Variants in MSR1 observed in about 807,000 individuals in gnomAD.
The protein encoded by MSR1 is macrophage scavenger receptor types I and II.
In MSR1, 53 loss-of-function variants were observed where a neutral mutation model predicts 47.2. That is an observed-to-expected ratio of 1.12 (90% confidence interval 0.90 to 1.41). The LOEUF (loss-of-function observed/expected upper bound fraction) is 1.41. Among genes scored for constraint, MSR1 ranks in the 40% most tolerant of loss-of-function variants. The pLI is 0.00. For synonymous variants in MSR1, 239 were observed against 185.6 expected (o/e 1.29, Z -2.34); for missense variants, 786 against 546.9 (o/e 1.44, Z -4.36).
intron 8 of MSR1, among the ~76,000 whole-genome samples, chr8:16,142,255 C>T (rs1393099388): frequency 1.3e-5 from 2 of 152,032 alleles, no homozygotes; most frequent in African/African-American, 4.8e-5. Flanking sequence ...CATTTCAACC[C>T]GGGAGGTGGA....
intron 8 of MSR1, among the ~76,000 whole-genome samples, chr8:16,134,868 T>G (rs962626758): frequency 6.6e-5 from 10 of 152,306 alleles, no homozygotes; most frequent in African/African-American, 2.4e-4. Context: ...GGCCTTCATA[T>G]ATGATCAAAA....
chr8:16,167,546 A>AAAACAAACAAAC (rs35532101), intron 4 of MSR1, among the ~76,000 whole-genome samples: 3 of 152,022 alleles, frequency 2.0e-5, no homozygotes, highest in African/African-American at 7.2e-5. Context: ...CTCCATCTCA[A>AAAACAAACAAAC]AAACAAACAA....
At chr8:16,121,785 G>A (rs1351923208) in intron 8 of MSR1, among the ~76,000 whole-genome samples, 2 of 151,746 alleles carry the variant, frequency 1.3e-5, no homozygotes, top group African/African-American at 4.8e-5. Context: ...TCTCTAATGT[G>A]AAAATGGAGT....
intron 9 of MSR1, among the ~76,000 whole-genome samples, chr8:16,112,217 GAAAAT>G (rs1799772656): frequency 6.6e-6 from 1 of 152,154 alleles, no homozygotes; most frequent in Non-Finnish European, 1.5e-5. Context: ...CAGACACAGT[GAAAAT>G]TTTTTAAGTG....
At chr8:16,126,912 A>G (rs1800142180) in intron 8 of MSR1, among the ~76,000 whole-genome samples, 1 of 152,136 alleles carries the variant, frequency 6.6e-6, no homozygotes, top group South Asian at 2.1e-4. Context: ...TGGGGAGAAC[A>G]CCAGAGTGAT....
intron 5 of MSR1, among the ~76,000 whole-genome samples, chr8:16,157,436 G>A (rs1194391669): frequency 6.6e-6 from 1 of 151,692 alleles, no homozygotes; most frequent in African/African-American, 2.4e-5. Context: ...CCTGGTATTC[G>A]AATCCTACAA....
chr8:16,166,431 G>T (rs182187098), intron 4 of MSR1, among the ~76,000 whole-genome samples: 1 of 152,026 alleles, frequency 6.6e-6, no homozygotes, highest in Non-Finnish European at 1.5e-5. Context: ...AAAGTGCTGG[G>T]ATTACAGGTG....
intron 7 of MSR1, among the ~76,000 whole-genome samples, chr8:16,144,039 C>G (rs1456820566): frequency 6.6e-6 from 1 of 152,030 alleles, no homozygotes; most frequent in African/African-American, 2.4e-5. Context: ...TCCCCAAAAA[C>G]TGGGCTGCCA....
In MSR1 at chr8:16,155,112, G is replaced by A. The variant is rs762856785; in HGVS notation, c.850C>T (p.Arg284Ter). 40 of 1,612,064 alleles carry A rather than the reference G, an allele frequency of 2.5e-5. 1 individual carries two copies. Among genetic ancestry groups the A allele is most frequent in the Admixed American group, 1.3e-4 (8 of 59,792 alleles). Reference protein sequence around the residue: ...PPGPPGEKGDRGPTGESGPRG... With the variant: ...PPGPPGEKGD ...GGACCACTTTCTCCAGTGGGACCTC[G>A]ATCTCCTTTTTCACCCGGGGGTCCA... Residue 284 changes from arginine (R) to a stop codon, truncating the protein, a stop_gained, in exon 6 of 10, where the codon CGA (arginine) becomes TGA (stop). Coordinates refer to ENST00000262101, the MANE Select transcript of MSR1 (RefSeq NM_138715.3). LOFTEE classifies it high-confidence loss of function.
chr8:16,171,817 G>A (rs887952537), intron 3 of MSR1, among the ~76,000 whole-genome samples: 17 of 152,086 alleles, frequency 1.1e-4, no homozygotes, highest in African/African-American at 4.1e-4. Flanking sequence ...AGCAATTCTG[G>A]CTCTGCCCTT....
chr8:16,117,456 A>T (rs1282945879), intron 9 of MSR1, among the ~76,000 whole-genome samples: 1 of 152,120 alleles, frequency 6.6e-6, no homozygotes, highest in East Asian at 1.9e-4. Flanking sequence ...CCTGTCAGTG[A>T]GTGGAAAGTG....
intron 8 of MSR1, among the ~76,000 whole-genome samples, chr8:16,125,929 G>C (rs1221131494): frequency 1.3e-5 from 2 of 151,990 alleles, no homozygotes; most frequent in East Asian, 3.9e-4. Flanking sequence ...ACTGCACCCA[G>C]CCAAAATTAT....
chr8:16,117,898 A>G (rs1434359837), intron 9 of MSR1, among the ~76,000 whole-genome samples: 5 of 152,180 alleles, frequency 3.3e-5, no homozygotes, highest in African/African-American at 1.2e-4. Context: ...TAATAATAAT[A>G]GAAATAATGT....
At chr8:16,114,796 G>C (rs1165295801) in intron 9 of MSR1, among the ~76,000 whole-genome samples, 1 of 152,090 alleles carries the variant, frequency 6.6e-6, no homozygotes, top group Non-Finnish European at 1.5e-5. Flanking sequence ...AGCCAGGTTT[G>C]CTATTTAAAA....
intron 8 of MSR1, among the ~76,000 whole-genome samples, chr8:16,134,960 T>C (rs1454839771): frequency 6.6e-6 from 1 of 152,026 alleles, no homozygotes; most frequent in African/African-American, 2.4e-5. Flanking sequence ...CTGAGAAAGG[T>C]GAGGAAACTG....
chr8:16,130,772 G>C (rs1355389308), intron 8 of MSR1, among the ~76,000 whole-genome samples: 4 of 151,770 alleles, frequency 2.6e-5, no homozygotes, highest in African/African-American at 9.7e-5. Context: ...TAAGGATAAT[G>C]GCCTCCAGTT....
At chr8:16,147,812 T>C (rs1231144221) in intron 7 of MSR1, among the ~76,000 whole-genome samples, 1 of 152,164 alleles carries the variant, frequency 6.6e-6, no homozygotes, top group Non-Finnish European at 1.5e-5. Flanking sequence ...AAGGGACTTA[T>C]TACCTCTGCC....
At chr8:16,130,738 G>A (rs1800236101) in intron 8 of MSR1, among the ~76,000 whole-genome samples, 1 of 151,874 alleles carries the variant, frequency 6.6e-6, no homozygotes. Context: ...GAAGTGTTTG[G>A]TTTTCTGCTT....
rs527375797 is a variant in MSR1 at position 16,175,125 on chromosome 8, G to A, written c.217+62C>T. 349 of 1,304,476 alleles carry A rather than the reference G, an allele frequency of 2.7e-4. 2 individuals are homozygous for A. The highest frequency in any genetic ancestry group is 1.1e-3 in the South Asian group (91 of 83,862). The allele number at this position is 1,304,476 out of a possible 1,614,324, so 80.8% of individuals were successfully genotyped here. A position where few individuals can be genotyped will look rare whatever the true frequency, so the allele number is the denominator to read the frequency against. ...ACAAAAGACTGAATGCTTCTTTTTT[G>A]CTTTGGCAATGAATAATTCACGGGA... On this transcript the variant is annotated intron_variant, in intron 3 of 9. Coordinates refer to ENST00000262101, the MANE Select transcript of MSR1 (RefSeq NM_138715.3).
Sources: gnomAD v4.1 joint callset for allele counts (sites outside exome capture counted in the v4.1 genomes callset) on GRCh38, gnomAD v4.1.1 for gene constraint, MANE v1.5 for transcripts, NCBI Gene and HGNC (gene_info 2026-07-23, HGNC 2026-07-21) for gene names.